DOP1A: variants seen among roughly 807,000 people sequenced by gnomAD.
DOP1A encodes the protein DOP1 leucine zipper like protein A.
A neutral mutation model predicts 267.6 loss-of-function variants in DOP1A; 90 were observed. The observed-to-expected ratio is 0.34, with a 90% CI of 0.28 to 0.40. The LOEUF (loss-of-function observed/expected upper bound fraction) is 0.40. Ranked by LOEUF, DOP1A falls within the 10% of genes least tolerant of loss-of-function variation. The pLI, the probability that DOP1A is intolerant of heterozygous loss-of-function variation, is 1.00. For missense variants in DOP1A, 2,437 were observed against 2,900.4 expected, an observed-to-expected ratio of 0.84 and a Z score of 3.67; for synonymous variants, 932 against 999.1, an observed-to-expected ratio of 0.93 and a Z score of 1.27.
intron 31 of DOP1A, 105 bp from the exon 32 acceptor site, chr6:83,153,789 A>G: frequency 2.3e-6 from 3 of 1,281,618 alleles, no homozygotes; most frequent in Non-Finnish European, 3.2e-6. Flanking sequence ...TTTCTATTTC[A>G]TATCTTCATG....
intron 1 of DOP1A, among the ~76,000 whole-genome samples, chr6:83,085,902 C>G (rs1318641802): frequency 1.3e-5 from 2 of 151,956 alleles, no homozygotes; most frequent in African/African-American, 2.4e-5. Flanking sequence ...CATAATGTGT[C>G]TCTGGCTTCT....
intron 17 of DOP1A, among the ~76,000 whole-genome samples, chr6:83,131,631 G>A (rs1356914531): frequency 2.6e-5 from 4 of 151,776 alleles, no homozygotes; most frequent in Non-Finnish European, 4.4e-5. Context: ...GGTCTTATCT[G>A]GGCCCTGCAG....
At chr6:83,127,521 A>G (rs111639031) in intron 15 of DOP1A, among the ~76,000 whole-genome samples, 38 of 152,270 alleles carry the variant, frequency 2.5e-4, no homozygotes, top group African/African-American at 8.4e-4. Context: ...GTTGTTTAGG[A>G]GCACCGGGAA....
chr6:83,116,089 T>A (rs1460773405), intron 7 of DOP1A, among the ~76,000 whole-genome samples: 1 of 152,208 alleles, frequency 6.6e-6, no homozygotes, highest in Non-Finnish European at 1.5e-5. Flanking sequence ...ATGAAGAAAA[T>A]CTGATCTCAC....
At chr6:83,131,797 G>T (rs904578276) in intron 17 of DOP1A, among the ~76,000 whole-genome samples, 2 of 151,988 alleles carry the variant, frequency 1.3e-5, no homozygotes, top group African/African-American at 4.8e-5. Flanking sequence ...CACCATGCCT[G>T]GCTAACTTTT....
intron 4 of DOP1A, among the ~76,000 whole-genome samples, chr6:83,103,776 T>G (rs1212322629): frequency 6.6e-6 from 1 of 152,212 alleles, no homozygotes; most frequent in Non-Finnish European, 1.5e-5. Flanking sequence ...TTCAATAAAA[T>G]GAACAGATTG....
At chr6:83,163,052 G>T in intron 38 of DOP1A, 133 bp downstream of exon 38, 1 of 951,492 alleles carries the variant, frequency 1.1e-6, no homozygotes, top group Non-Finnish European at 1.5e-6. Context: ...CCCCAGTTTT[G>T]AGAGTTAATG....
intron 36 of DOP1A, among the ~76,000 whole-genome samples, chr6:83,159,477 G>C (rs1419483039): frequency 6.6e-6 from 1 of 151,318 alleles, no homozygotes; most frequent in African/African-American, 2.4e-5. Flanking sequence ...TTTTTGTAGA[G>C]ACAGGGTTTC....
intron 3 of DOP1A, among the ~76,000 whole-genome samples, chr6:83,099,695 T>C (rs1276422053): frequency 9.7e-6 from 1 of 102,742 alleles, no homozygotes; most frequent in African/African-American, 3.5e-5. Context: ...TGTGTGTGTG[T>C]GTGTGTGTGT....
chr6:83,115,460 C>T (rs1364695871), intron 7 of DOP1A, among the ~76,000 whole-genome samples: 5 of 152,152 alleles, frequency 3.3e-5, no homozygotes, highest in African/African-American at 1.2e-4. Context: ...TGGTGGCTCA[C>T]GCCTGTAATC....
intron 33 of DOP1A, among the ~76,000 whole-genome samples, chr6:83,155,288 C>T (rs1053514282): frequency 3.3e-5 from 5 of 150,278 alleles, no homozygotes. Flanking sequence ...ATAGCGAGAC[C>T]CCAGCTCTAC....
intron 17 of DOP1A, among the ~76,000 whole-genome samples, chr6:83,131,606 T>G (rs973661090): frequency 2.0e-5 from 3 of 152,080 alleles, no homozygotes; most frequent in Non-Finnish European, 4.4e-5. Context: ...TAAACACCAC[T>G]AAATAACGAA....
At chr6:83,145,938 T>C (rs1279604831) in intron 25 of DOP1A, among the ~76,000 whole-genome samples, 2 of 152,202 alleles carry the variant, frequency 1.3e-5, no homozygotes, top group African/African-American at 4.8e-5. Context: ...AGGAGAGATT[T>C]TTCTGGTCAT....
At chr6:83,122,740 C>A in intron 11 of DOP1A, 123 bp from the exon 12 acceptor site, 1 of 636,280 alleles carries the variant, frequency 1.6e-6, no homozygotes, top group Non-Finnish European at 2.4e-6. Context: ...TTGTTGCAAT[C>A]TTCTTACTAG....
downstream of DOP1A, chr6:83,168,862 ACAT>A: frequency 3.8e-6 from 4 of 1,044,534 alleles, no homozygotes; most frequent in South Asian, 1.1e-4. Flanking sequence ...ATGCTGCAAA[ACAT>A]CATCTTGCTC....
In DOP1A at chr6:83,139,118, T is replaced by C. The variant is rs781208651; in HGVS notation, c.5076T>C (p.Asn1692=). The C allele has an allele frequency of 2.2e-5, 36 of 1,613,782 alleles. No homozygotes were observed. Among genetic ancestry groups the C allele is most frequent in the Non-Finnish European group, 1.7e-6 (2 of 1,179,856 alleles). ...VTLQLCRNLD[N]LIQQYKYETG... ...TACAACTGTGCAGAAATTTAGATAA[T>C]CTAATTCAGCAGTACAAATACGAAA... The change falls in exon 21 of 39, where the codon AAT becomes AAC. Residue 1692 remains asparagine (N), a synonymous_variant. Transcript: ENST00000349129.
At chr6:83,148,196 G>A (rs529157799) in intron 26 of DOP1A, among the ~76,000 whole-genome samples, 1 of 151,702 alleles carries the variant, frequency 6.6e-6, no homozygotes, top group Non-Finnish European at 1.5e-5. Context: ...GGCGGATCAC[G>A]AACTCAGGAG....
At chr6:83,086,797 G>A (rs1769338082) in intron 1 of DOP1A, among the ~76,000 whole-genome samples, 1 of 152,062 alleles carries the variant, frequency 6.6e-6, no homozygotes. Context: ...TAAAAGATAA[G>A]GAAAAAATAG....
At chr6:83,115,962 C>G (rs972256063) in intron 7 of DOP1A, among the ~76,000 whole-genome samples, 1 of 152,082 alleles carries the variant, frequency 6.6e-6, no homozygotes, top group African/African-American at 2.4e-5. Flanking sequence ...CAGAAGTTCT[C>G]AAATGTTTTA....
Sources: allele counts gnomAD v4.1 joint callset (sites outside exome capture counted in the v4.1 genomes callset), GRCh38; gene constraint gnomAD v4.1.1; transcripts MANE v1.5; gene names NCBI Gene and HGNC (gene_info 2026-07-23, HGNC 2026-07-21).